Variants in EXT1 observed in about 807,000 individuals in gnomAD.
The protein encoded by EXT1 is exostosin glycosyltransferase 1.
In EXT1, 20 loss-of-function variants were observed where a neutral mutation model predicts 82.5. The ratio of observed to expected loss-of-function variants is 0.24; its 90% confidence interval spans 0.17 to 0.35. The LOEUF (loss-of-function observed/expected upper bound fraction) is 0.35. Ranked by LOEUF, EXT1 falls within the 10% of genes least tolerant of loss-of-function variation. The pLI, the probability that EXT1 is intolerant of heterozygous loss-of-function variation, is 1.00. For synonymous variants in EXT1, 348 were observed against 350.8 expected, an observed-to-expected ratio of 0.99 and a Z score of 0.09; for missense variants, 757 against 936.5, an observed-to-expected ratio of 0.81 and a Z score of 2.50.
At chr8:117,983,439 A>G (rs1239173331) in intron 1 of EXT1, among the ~76,000 whole-genome samples, 2 of 152,182 alleles carry the variant, frequency 1.3e-5, no homozygotes, top group African/African-American at 4.8e-5. Context: ...AGCAGTGTTC[A>G]CACCACTGCA....
chr8:118,028,885 G>A (rs1816249792), intron 1 of EXT1, among the ~76,000 whole-genome samples: 1 of 152,042 alleles, frequency 6.6e-6, no homozygotes, highest in African/African-American at 2.4e-5. Flanking sequence ...TCGCGCCATT[G>A]CACTCCAGCC....
chr8:117,980,765 G>C (rs964289185), intron 1 of EXT1, among the ~76,000 whole-genome samples: 1 of 135,764 alleles, frequency 7.4e-6, no homozygotes, highest in Admixed American at 8.1e-5. Flanking sequence ...ACTTCGCTCT[G>C]GTTTTCCAAC....
intron 1 of EXT1, among the ~76,000 whole-genome samples, chr8:117,992,183 C>G (rs1318443820): frequency 6.6e-6 from 1 of 152,076 alleles, no homozygotes; most frequent in Non-Finnish European, 1.5e-5. Flanking sequence ...CCTCACTTCA[C>G]TTCATCTCAA....
chr8:117,934,850 A>G (rs1270536828), intron 1 of EXT1, among the ~76,000 whole-genome samples: 5 of 152,158 alleles, frequency 3.3e-5, no homozygotes. Flanking sequence ...GTATGCAGAA[A>G]CTCAGGATAG....
chr8:117,983,472 A>G (rs1000122394), intron 1 of EXT1, among the ~76,000 whole-genome samples: 1 of 152,184 alleles, frequency 6.6e-6, no homozygotes, highest in Non-Finnish European at 1.5e-5. Context: ...AGACAGACAG[A>G]TATCTTTTCT....
At chr8:118,035,003 T>G (rs1816393304) in intron 1 of EXT1, among the ~76,000 whole-genome samples, 1 of 152,214 alleles carries the variant, frequency 6.6e-6, no homozygotes, top group South Asian at 2.1e-4. Context: ...CTGCACCATA[T>G]GCACTGGAAA....
At chr8:117,914,732 C>T (rs537729027) in intron 1 of EXT1, among the ~76,000 whole-genome samples, 1 of 152,256 alleles carries the variant, frequency 6.6e-6, no homozygotes, top group South Asian at 2.1e-4. Flanking sequence ...AAACTCTGCC[C>T]TGATAAATTT....
intron 1 of EXT1, among the ~76,000 whole-genome samples, chr8:118,011,535 T>G (rs1815899472): frequency 6.6e-6 from 1 of 152,234 alleles, no homozygotes; most frequent in Admixed American, 6.5e-5. Flanking sequence ...TTATACATAA[T>G]AGTCACTTAA....
intron 1 of EXT1, among the ~76,000 whole-genome samples, chr8:117,987,214 A>G (rs1403534201): frequency 9.2e-5 from 14 of 152,238 alleles, no homozygotes; most frequent in Non-Finnish European, 1.8e-4. Context: ...ATTGATTTTT[A>G]TCTTCAAACC....
intron 1 of EXT1, among the ~76,000 whole-genome samples, chr8:117,959,165 G>T (rs1212552059): frequency 6.6e-6 from 1 of 152,204 alleles, no homozygotes; most frequent in Admixed American, 6.5e-5. Flanking sequence ...GCTTAAGAAT[G>T]GCTAGTGCCT....
At chr8:117,828,891 G>T (rs1056770255) in intron 4 of EXT1, among the ~76,000 whole-genome samples, 2 of 152,134 alleles carry the variant, frequency 1.3e-5, no homozygotes, top group Non-Finnish European at 2.9e-5. Flanking sequence ...GCATGGGGTG[G>T]ATAAATGCCC....
chr8:118,019,388 G>C (rs1414820917), intron 1 of EXT1, among the ~76,000 whole-genome samples: 2 of 152,208 alleles, frequency 1.3e-5, no homozygotes, highest in African/African-American at 4.8e-5. Flanking sequence ...CAAAAAGTGT[G>C]TGTTTGTGGA....
chr8:117,849,284 C>T (rs917891150), intron 1 of EXT1, among the ~76,000 whole-genome samples: 3 of 152,178 alleles, frequency 2.0e-5, no homozygotes, highest in African/African-American at 7.2e-5. Context: ...GTTTTACTGG[C>T]TTACCTTCTT....
intron 1 of EXT1, among the ~76,000 whole-genome samples, chr8:117,979,602 G>A (rs979582805): frequency 6.6e-6 from 1 of 151,856 alleles, no homozygotes; most frequent in Non-Finnish European, 1.5e-5. Flanking sequence ...AAAGAAAAGG[G>A]TAACACGAAC....
At chr8:117,828,517 A>T (rs556223473) in intron 4 of EXT1, among the ~76,000 whole-genome samples, 1 of 152,202 alleles carries the variant, frequency 6.6e-6, no homozygotes, top group South Asian at 2.1e-4. Flanking sequence ...AAAAAAAAAA[A>T]AGAAAGGCAC....
intron 1 of EXT1, among the ~76,000 whole-genome samples, chr8:117,978,081 T>A (rs1251178360): frequency 6.6e-6 from 1 of 152,260 alleles, no homozygotes; most frequent in Non-Finnish European, 1.5e-5. Flanking sequence ...ATGGAATGCA[T>A]GTCTTCTATC....
intron 1 of EXT1, among the ~76,000 whole-genome samples, chr8:117,867,738 T>C (rs1812799097): frequency 6.6e-6 from 1 of 152,196 alleles, no homozygotes; most frequent in South Asian, 2.1e-4. Flanking sequence ...AAAAGCTCTT[T>C]TGCAGTTCGG....
chr8:117,986,853 CCATCACAT>C (rs1815331683), intron 1 of EXT1, among the ~76,000 whole-genome samples: 2 of 152,184 alleles, frequency 1.3e-5, no homozygotes, highest in South Asian at 4.1e-4. Context: ...GTATAAAACA[CCATCACAT>C]CTCAAAATGA....
chr8:117,972,630 G>A (rs969240965), intron 1 of EXT1, among the ~76,000 whole-genome samples: 14 of 152,176 alleles, frequency 9.2e-5, no homozygotes, highest in African/African-American at 3.1e-4. Flanking sequence ...ACGTGTATTA[G>A]TCTGTTCTCA....
Sources: gnomAD v4.1 joint callset for allele counts (sites outside exome capture counted in the v4.1 genomes callset) on GRCh38, gnomAD v4.1.1 for gene constraint, MANE v1.5 for transcripts, NCBI Gene and HGNC (gene_info 2026-07-23, HGNC 2026-07-21) for gene names.